FBXO34: variants seen among roughly 807,000 people sequenced by gnomAD.
The protein encoded by FBXO34 is F-box only protein 34.
Under a neutral mutation model 24.5 loss-of-function variants are expected in FBXO34, and 12 were observed. The observed-to-expected ratio is 0.49, with a 90% CI of 0.31 to 0.79. The LOEUF (loss-of-function observed/expected upper bound fraction) is 0.79. Ranked by LOEUF, FBXO34 falls within the 30% of genes least tolerant of loss-of-function variation. The pLI is 0.04. For synonymous variants in FBXO34, 320 were observed against 311.9 expected (o/e 1.03, Z -0.27); for missense variants, 823 against 857.7 (o/e 0.96, Z 0.51).
At chr14:55,421,074 A>AAG in the FBXO34 span, among the ~76,000 whole-genome samples, 6 of 151,118 alleles carry the variant, frequency 4.0e-5, 1 homozygote, top group South Asian at 4.2e-4. Flanking sequence ...AAAAAAAAAA[A>AAG]AAAAGAAAAA....
At chr14:55,434,778 T>C in the FBXO34 span, among the ~76,000 whole-genome samples, 1 of 152,196 alleles carries the variant, frequency 6.6e-6, no homozygotes, top group South Asian at 2.1e-4. Flanking sequence ...TCAGCAACAA[T>C]ACTAGGGCAA....
chr14:55,351,508 G>GC lies in FBXO34; in HGVS notation c.1124dup (p.Leu376IlefsTer29), dbSNP rs1161983909. 2 of 1,614,158 alleles carry GC rather than the reference G, an allele frequency of 1.2e-6. No homozygotes were observed. The highest frequency in any genetic ancestry group is 1.7e-6 in the Non-Finnish European group (2 of 1,180,022). On this transcript the variant is annotated frameshift_variant, in exon 2 of 2. Transcript: ENST00000313833. LOFTEE classifies it high-confidence loss of function. Reference sequence around the variant, plus strand: ...GCCTGGGACGGTGCTTCTCAGGACTGCCCCCCATTGCCAGCAGGAGTGAGT... The same window carrying GC: ...GCCTGGGACGGTGCTTCTCAGGACTGCCCCCCCATTGCCAGCAGGAGTGAGT...
chr14:55,359,916 C>CAAAAA (rs34051939), intron 3 of FBXO34, among the ~76,000 whole-genome samples: 1 of 95,160 alleles, frequency 1.1e-5, no homozygotes, highest in Non-Finnish European at 2.2e-5. Context: ...CTTGTGCCTA[C>CAAAAA]AAAAAAAAAA....
chr14:55,338,713 C>T (rs181568184), intron 1 of FBXO34, among the ~76,000 whole-genome samples: 22 of 152,070 alleles, frequency 1.4e-4, no homozygotes, highest in Admixed American at 1.4e-3. Flanking sequence ...TCGAGACCAT[C>T]CTGGCTAACA....
chr14:55,435,674 G>T, the FBXO34 span, among the ~76,000 whole-genome samples: 3 of 152,248 alleles, frequency 2.0e-5, no homozygotes, highest in South Asian at 2.1e-4. Context: ...TCAGCATAAA[G>T]AATGAGATTA....
chr14:55,386,468 A>C, the FBXO34 span, among the ~76,000 whole-genome samples: 1 of 152,226 alleles, frequency 6.6e-6, no homozygotes, highest in Non-Finnish European at 1.5e-5. Flanking sequence ...CTTACTGGCT[A>C]TCTGATTTCC....
At position 55,327,908 on chromosome 14, in the gene FBXO34, G is replaced by GTTTTTTTTTTTTT. The variant is rs386381425; in HGVS notation, c.-10-22450_-10-22438dup. Reference sequence around the variant, plus strand: ...CATATGATTTTCTTTGTTGTTGTTGGTTTTTTTTTTTTTTTTTTTTTTTTT... The same window carrying GTTTTTTTTTTTTT: ...CATATGATTTTCTTTGTTGTTGTTGGTTTTTTTTTTTTTTTTTTTTTTTTTTTTTTTTTTTTTT... On this transcript the variant is annotated intron_variant, in intron 1 of 1. Coordinates refer to ENST00000313833, the MANE Select transcript of FBXO34 (RefSeq NM_017943.4). 3.7e-4 allele frequency among the ~76,000 whole-genome samples: 18 copies of GTTTTTTTTTTTTT among 48,728 alleles called. 4 individuals carry two copies. The highest frequency in any genetic ancestry group is 1.0e-3 in the South Asian group (1 of 976). The allele number at this position is 48,728 out of a possible 152,430, so 32.0% of individuals were successfully genotyped here.
chr14:55,346,764 A>T (rs1884173383), intron 1 of FBXO34, among the ~76,000 whole-genome samples: 1 of 152,184 alleles, frequency 6.6e-6, no homozygotes, highest in African/African-American at 2.4e-5. Flanking sequence ...GAAGCCAGGA[A>T]ATTAAGAGAA....
At chr14:55,363,354 A>G (rs1594772043), downstream of FBXO34, among the ~76,000 whole-genome samples, 3 of 144,314 alleles carry the variant, frequency 2.1e-5, no homozygotes, top group Admixed American at 2.1e-4. Flanking sequence ...TTTCAGATAG[A>G]GTCTGCTCTT....
the FBXO34 span, chr14:55,377,887 T>C: frequency 4.2e-5 from 68 of 1,605,990 alleles, no homozygotes; most frequent in East Asian, 6.7e-5. Context: ...GTGGTTGTAA[T>C]TGATCTAAAT....
At chr14:55,298,779 G>A (rs1468299828) in intron 1 of FBXO34, 52 of 1,592,970 alleles carry the variant, frequency 3.3e-5, no homozygotes, top group Non-Finnish European at 3.8e-5. Flanking sequence ...GCAGAGGCAC[G>A]GCACCAAAAA....
chr14:55,304,599 C>T (rs781769506), intron 1 of FBXO34, among the ~76,000 whole-genome samples: 3 of 152,142 alleles, frequency 2.0e-5, no homozygotes, highest in Admixed American at 6.5e-5. Context: ...CTCCTGGGCT[C>T]AGGTGATCCT....
At chr14:55,303,126 G>A (rs1882420090) in intron 1 of FBXO34, among the ~76,000 whole-genome samples, 1 of 128,096 alleles carries the variant, frequency 7.8e-6, no homozygotes, top group South Asian at 2.5e-4. Context: ...CTCTTTACAG[G>A]CCTTTTTTTT....
chr14:55,393,205 C>A, the FBXO34 span, among the ~76,000 whole-genome samples: 3 of 143,014 alleles, frequency 2.1e-5, no homozygotes, highest in Non-Finnish European at 3.1e-5. Context: ...CACGGTGAAA[C>A]CCCGTCTCTA....
intron 1 of FBXO34, among the ~76,000 whole-genome samples, chr14:55,345,878 T>G (rs1884144067): frequency 6.6e-6 from 1 of 152,080 alleles, no homozygotes; most frequent in African/African-American, 2.4e-5. Flanking sequence ...TTGTGGCATG[T>G]GCTTGTGGTT....
the FBXO34 span, among the ~76,000 whole-genome samples, chr14:55,403,375 G>C: frequency 7.9e-5 from 12 of 152,078 alleles, no homozygotes; most frequent in African/African-American, 2.7e-4. Context: ...GGATAAGGCA[G>C]TTCTAACTAC....
At chr14:55,384,162 T>C in the FBXO34 span, among the ~76,000 whole-genome samples, 50 of 152,350 alleles carry the variant, frequency 3.3e-4, no homozygotes, top group East Asian at 9.1e-3. Flanking sequence ...AACCACCAGC[T>C]TCTTTTTAAA....
chr14:55,298,845 G>C (rs542533445), intron 1 of FBXO34: 28 of 1,612,874 alleles, frequency 1.7e-5, no homozygotes, highest in Non-Finnish European at 2.3e-5. Flanking sequence ...GAAGCAGCTG[G>C]CGCAGATCGA....
At position 55,317,839 on chromosome 14, in the gene FBXO34, T is replaced by TC. The variant is rs1397205222; in HGVS notation, c.-10-32539dup. 2.6e-4 allele frequency among the ~76,000 whole-genome samples: 39 copies of TC among 152,168 alleles called. 1 individual carries two copies. Among genetic ancestry groups the TC allele is most frequent in the Non-Finnish European group, 1.0e-4 (7 of 68,020 alleles). ...TAAACTGTCCCACCTTACATCGTGA[T>TC]CCCTGGTCCAGATAATCCTCTGTTT... On this transcript the variant is annotated intron_variant, in intron 1 of 1. Transcript: ENST00000313833.
Sources: gnomAD v4.1 joint callset for allele counts (sites outside exome capture counted in the v4.1 genomes callset) on GRCh38, gnomAD v4.1.1 for gene constraint, MANE v1.5 for transcripts, NCBI Gene and HGNC (gene_info 2026-07-23, HGNC 2026-07-21) for gene names.